Variants in GPC3 observed in about 807,000 individuals in gnomAD.
GPC3 encodes the protein glypican 3, also known as glypican-3.
A neutral mutation model predicts 34.4 loss-of-function variants in GPC3; 3 were observed. The observed-to-expected ratio is 0.09, with a 90% CI of 0.04 to 0.23. The LOEUF is 0.23. GPC3 is among the 10% of genes least tolerant of loss of function. GPC3 has a pLI of 1.00. For synonymous variants in GPC3, 177 were observed against 174.0 expected (o/e 1.02, Z -0.13); for missense variants, 351 against 445.6 (o/e 0.79, Z 1.91).
At chrX:133,901,305 T>C (rs920764549) in intron 2 of GPC3, among the ~76,000 whole-genome samples, 2 of 98,524 alleles carry the variant, frequency 2.0e-5, no homozygotes, top group Non-Finnish European at 4.0e-5. Flanking sequence ...TTTCTTTAAT[T>C]TGAAAACATT....
At chrX:133,542,493 C>T (rs766230687) in intron 7 of GPC3, among the ~76,000 whole-genome samples, 1 of 111,724 alleles carries the variant, frequency 9.0e-6, no homozygotes, top group South Asian at 3.8e-4. Flanking sequence ...GCTATGAGGG[C>T]TTCACCCATA....
intron 5 of GPC3, among the ~76,000 whole-genome samples, chrX:133,687,389 T>TG (rs1166311372): frequency 3.9e-5 from 3 of 76,683 alleles, no homozygotes; most frequent in Non-Finnish European, 5.2e-5. Context: ...CAGAGTTTTT[T>TG]TTTTTTTTTT....
At chrX:133,587,298 T>A (rs949200070) in intron 7 of GPC3, among the ~76,000 whole-genome samples, 1 of 112,291 alleles carries the variant, frequency 8.9e-6, no homozygotes, top group African/African-American at 3.2e-5. Flanking sequence ...CCTTTTTTTT[T>A]ACTCCACGGC....
chrX:133,644,060 T>G, intron 6 of GPC3, among the ~76,000 whole-genome samples: 1 of 110,564 alleles, frequency 9.0e-6, no homozygotes, highest in Non-Finnish European at 1.9e-5. Context: ...ACTCCTGACC[T>G]CGTGATCTGC....
At chrX:133,624,240 T>G (rs1265838712) in intron 6 of GPC3, among the ~76,000 whole-genome samples, 3 of 111,175 alleles carry the variant, frequency 2.7e-5, no homozygotes, top group Admixed American at 1.9e-4. Context: ...AACATCACAA[T>G]TAAAAGAACT....
chrX:133,944,696 T>A (rs921944988), intron 2 of GPC3, among the ~76,000 whole-genome samples: 3 of 112,429 alleles, frequency 2.7e-5, no homozygotes, highest in Non-Finnish European at 5.6e-5. Context: ...TTTAAAAATG[T>A]ATATGTGCCA....
intron 2 of GPC3, among the ~76,000 whole-genome samples, chrX:133,869,393 C>A (rs185722747): frequency 8.9e-6 from 1 of 111,777 alleles, no homozygotes; most frequent in African/African-American, 3.2e-5. Flanking sequence ...ACAACTTCAC[C>A]GAAAGCGCAC....
At chrX:133,562,610 G>A (rs374580426) in intron 7 of GPC3, among the ~76,000 whole-genome samples, 2 of 110,904 alleles carry the variant, frequency 1.8e-5, no homozygotes, top group African/African-American at 6.6e-5. Flanking sequence ...CAGCCTGGGC[G>A]AAAGAGTGAG....
intron 6 of GPC3, among the ~76,000 whole-genome samples, chrX:133,603,567 T>C (rs889910688): frequency 3.6e-5 from 4 of 111,895 alleles, no homozygotes; most frequent in African/African-American, 1.3e-4. Flanking sequence ...TCCTTTTCAG[T>C]TAGGTATGGA....
intron 7 of GPC3, among the ~76,000 whole-genome samples, chrX:133,572,631 G>A (rs1226257354): frequency 9.0e-6 from 1 of 111,318 alleles, no homozygotes; most frequent in Non-Finnish European, 1.9e-5. Flanking sequence ...GATAAAAAAG[G>A]GACATTACAA....
chrX:133,595,528 GTTA>G (rs1158726601), intron 7 of GPC3, among the ~76,000 whole-genome samples: 1 of 111,055 alleles, frequency 9.0e-6, no homozygotes, highest in Non-Finnish European at 1.9e-5. Flanking sequence ...TTGTTGTTTA[GTTA>G]TTATTATTTT....
At chrX:133,883,501 T>G (rs1342519239) in intron 2 of GPC3, among the ~76,000 whole-genome samples, 1 of 112,051 alleles carries the variant, frequency 8.9e-6, no homozygotes. Context: ...GCATATGGAC[T>G]AAAGGACACA....
At chrX:133,655,513 C>T (rs900484866) in intron 6 of GPC3, among the ~76,000 whole-genome samples, 1 of 110,047 alleles carries the variant, frequency 9.1e-6, no homozygotes, top group East Asian at 2.8e-4. Flanking sequence ...CACCCACACA[C>T]ACACACACAC....
chrX:133,626,737 C>G (rs2070301620), intron 6 of GPC3, among the ~76,000 whole-genome samples: 1 of 106,963 alleles, frequency 9.3e-6, no homozygotes, highest in South Asian at 4.2e-4. Context: ...CTAGATCAAC[C>G]ATTGTGGAAG....
intron 2 of GPC3, among the ~76,000 whole-genome samples, chrX:133,805,820 A>G (rs2075632801): frequency 8.9e-6 from 1 of 112,169 alleles, no homozygotes; most frequent in Admixed American, 9.5e-5. Context: ...CATCCTTATC[A>G]TCATCATCGT....
At chrX:133,635,878 G>C (rs2070417704) in intron 6 of GPC3, among the ~76,000 whole-genome samples, 1 of 108,109 alleles carries the variant, frequency 9.2e-6, no homozygotes, top group Non-Finnish European at 1.9e-5. Flanking sequence ...CATTCAAATA[G>C]AGGCTGTCTA....
chrX:133,748,507 A>T (rs1362241155), intron 3 of GPC3, among the ~76,000 whole-genome samples: 1 of 111,348 alleles, frequency 9.0e-6, no homozygotes, highest in Non-Finnish European at 1.9e-5. Context: ...TAGTCTCATC[A>T]TTAATACTTT....
In GPC3 at chrX:133,783,573, G is replaced by A. The variant is rs1184444912; in HGVS notation, c.338-29397C>T. Among the ~76,000 whole-genome samples the A allele has an allele frequency of 3.6e-5, 4 of 112,313 alleles. No individual in the cohort carries two copies. In the Admixed American group the frequency reaches 3.8e-4, roughly 11 times the overall value. On this transcript the variant is annotated intron_variant, in intron 2 of 7. Transcript: ENST00000370818. Reference sequence around the variant, plus strand: ...CCCTAGCTAGCAAAAGCCCCTTTGGGCTGAGAGGTGATGTTATCATTCTCC... The same window carrying A: ...CCCTAGCTAGCAAAAGCCCCTTTGGACTGAGAGGTGATGTTATCATTCTCC...
rs150951278 is a variant in GPC3 at position 133,893,332 on chromosome X, C to T, written c.337+59718G>A. Among the ~76,000 whole-genome samples, 27 of 111,818 alleles carry T rather than the reference C, an allele frequency of 2.4e-4. 1 individual carries two copies. The East Asian group carries it at 7.0e-3, about 29-fold the overall frequency. ...TTCTCAATGGTTTCTAAAGCCATTGCGCTGTGAGGTATTTGGGGAAAGAGA... is the reference window on the plus strand; with the variant it reads ...TTCTCAATGGTTTCTAAAGCCATTGTGCTGTGAGGTATTTGGGGAAAGAGA... On this transcript the variant is annotated intron_variant, in intron 2 of 7. Coordinates refer to ENST00000370818, the MANE Select transcript of GPC3 (RefSeq NM_004484.4).
Sources: gnomAD v4.1 joint callset for allele counts (sites outside exome capture counted in the v4.1 genomes callset) on GRCh38, gnomAD v4.1.1 for gene constraint, MANE v1.5 for transcripts, NCBI Gene and HGNC (gene_info 2026-07-23, HGNC 2026-07-21) for gene names.